Variants in CFAP70 observed in about 807,000 individuals in gnomAD.
The protein encoded by CFAP70 is cilia- and flagella-associated protein 70.
In CFAP70, 81 loss-of-function variants were observed where a neutral mutation model predicts 137.6. The ratio of observed to expected loss-of-function variants is 0.59; its 90% CI spans 0.49 to 0.71. The LOEUF is 0.71. Ranked by LOEUF, CFAP70 falls within the 30% of genes least tolerant of loss-of-function variation. The probability of loss-of-function intolerance (pLI) is 0.00; values close to 1 mark genes in which losing one functional copy is unlikely to be tolerated. For missense variants in CFAP70, 976 were observed against 1,226.7 expected, an observed-to-expected ratio of 0.80 and a Z score of 3.05; for synonymous variants, 382 against 423.6, an observed-to-expected ratio of 0.90 and a Z score of 1.20.
At chr10:73,261,671 G>T (rs1706240096) in intron 25 of CFAP70, among the ~76,000 whole-genome samples, 1 of 152,008 alleles carries the variant, frequency 6.6e-6, no homozygotes. Context: ...GATTTGGGTA[G>T]GGACACAGCC....
chr10:73,316,461 G>GAGATATATATATATATATAGATAT (rs56879049), intron 9 of CFAP70, among the ~76,000 whole-genome samples: 1 of 127,132 alleles, frequency 7.9e-6, no homozygotes, highest in African/African-American at 3.1e-5. Flanking sequence ...TTCCTTTGTT[G>GAGATATATATATATATATAGATAT]AGATATATAT....
At chr10:73,330,556 A>T (rs2051970335) in intron 8 of CFAP70, among the ~76,000 whole-genome samples, 1 of 152,044 alleles carries the variant, frequency 6.6e-6, no homozygotes, top group Non-Finnish European at 1.5e-5. Context: ...ATGGTTACCT[A>T]GTGATAGTAT....
intron 9 of CFAP70, among the ~76,000 whole-genome samples, chr10:73,316,489 T>TATAG (rs1554903341): frequency 1.2e-3 from 122 of 103,952 alleles, no homozygotes; most frequent in African/African-American, 4.0e-3. Context: ...TAGATATAGA[T>TATAG]ATATATATAT....
intron 8 of CFAP70, among the ~76,000 whole-genome samples, chr10:73,329,041 A>G (rs1388306456): frequency 2.6e-5 from 4 of 151,586 alleles, no homozygotes; most frequent in Non-Finnish European, 4.4e-5. Flanking sequence ...ACATGCACAC[A>G]TATGTTTATT....
At chr10:73,311,206 A>G (rs1041507778) in intron 11 of CFAP70, among the ~76,000 whole-genome samples, 1 of 152,128 alleles carries the variant, frequency 6.6e-6, no homozygotes, top group Admixed American at 6.5e-5. Context: ...TAATTTCTCT[A>G]TATACCATAC....
chr10:73,329,533 G>C (rs902479040), intron 8 of CFAP70, among the ~76,000 whole-genome samples: 5 of 152,076 alleles, frequency 3.3e-5, no homozygotes, highest in African/African-American at 9.6e-5. Context: ...CAAAAAAACA[G>C]TGTTAATAGT....
intron 3 of CFAP70, 88 bp from the exon 4 acceptor site, chr10:73,348,609 A>G (rs2053928153): frequency 2.3e-6 from 2 of 862,542 alleles, no homozygotes; most frequent in South Asian, 4.3e-5. Context: ...TGTCAAAGAT[A>G]TGTAAGTTAA....
At chr10:73,291,708 T>C in exon 18 of CFAP70, 4 of 1,614,154 alleles carry the variant, frequency 2.5e-6, no homozygotes, top group Non-Finnish European at 3.4e-6. Context: ...AATTTCTGCT[T>C]GCTCATAGTT....
At chr10:73,313,877 C>T (rs2132116769) in intron 9 of CFAP70, among the ~76,000 whole-genome samples, 1 of 152,128 alleles carries the variant, frequency 6.6e-6, no homozygotes, top group South Asian at 2.1e-4. Flanking sequence ...AATTAACAGG[C>T]TGAATTCACT....
chr10:73,336,733 A>G (rs12256665), intron 6 of CFAP70, among the ~76,000 whole-genome samples: 16,010 of 151,446 alleles, frequency 0.11, 1,231 homozygotes, highest in East Asian at 0.31. Context: ...CTACAGGCGC[A>G]CGCCACCACG....
At chr10:73,339,390 A>G (rs992811762) in intron 6 of CFAP70, among the ~76,000 whole-genome samples, 2 of 152,260 alleles carry the variant, frequency 1.3e-5, no homozygotes, top group Non-Finnish European at 2.9e-5. Flanking sequence ...AGAAGGAAAC[A>G]CAAGAAACTG....
chr10:73,271,539 G>A (rs536257548), intron 24 of CFAP70, among the ~76,000 whole-genome samples: 1 of 152,148 alleles, frequency 6.6e-6, no homozygotes, highest in South Asian at 2.1e-4. Flanking sequence ...GTCGAAAAAA[G>A]GTTACAAAGC....
chr10:73,255,080 T>C (rs189269150), intron 26 of CFAP70, among the ~76,000 whole-genome samples: 110 of 152,142 alleles, frequency 7.2e-4, no homozygotes, highest in African/African-American at 2.5e-3. Context: ...CTGGCCAACA[T>C]AGCAAAACCC....
chr10:73,283,124 G>A (rs2131830265), intron 19 of CFAP70, among the ~76,000 whole-genome samples: 1 of 152,162 alleles, frequency 6.6e-6, no homozygotes, highest in Middle Eastern at 3.4e-3. Context: ...TGAGCCAAGA[G>A]CCACCACACC....
intron 8 of CFAP70, among the ~76,000 whole-genome samples, chr10:73,325,009 A>T (rs1372018096): frequency 2.0e-5 from 3 of 152,228 alleles, no homozygotes; most frequent in Non-Finnish European, 4.4e-5. Context: ...CTCCTTGAGA[A>T]GAGCAGCTCC....
At chr10:73,268,050 G>T (rs2045933896) in intron 25 of CFAP70, among the ~76,000 whole-genome samples, 1 of 152,172 alleles carries the variant, frequency 6.6e-6, no homozygotes, top group Non-Finnish European at 1.5e-5. Flanking sequence ...TTACCTGACT[G>T]GGTCAGGTCC....
At chr10:73,357,530 A>T (rs147216659) in intron 1 of CFAP70, among the ~76,000 whole-genome samples, 34 of 152,330 alleles carry the variant, frequency 2.2e-4, no homozygotes, top group African/African-American at 7.5e-4. Flanking sequence ...AGACAAGCAG[A>T]TAAATACCTT....
intron 26 of CFAP70, among the ~76,000 whole-genome samples, chr10:73,255,793 C>T (rs1236038846): frequency 1.3e-5 from 2 of 152,112 alleles, no homozygotes; most frequent in Non-Finnish European, 2.9e-5. Context: ...GATCTACCCA[C>T]CTCAGCCTCC....
rs750971535 is a variant in CFAP70, at chr10:73,301,175, G to A, written c.1257-1510C>T. Among the ~76,000 whole-genome samples, 13 of 152,328 alleles carry A rather than the reference G, an allele frequency of 8.5e-5. 1 individual carries two copies. The highest frequency in any genetic ancestry group is 2.6e-4 in the Admixed American group (4 of 15,304). ...ACGTTTGAGTAAAGACCTGAGGGAA[G>A]TGAGGAAGCAACTGACATAGTTTGG... On this transcript the variant is annotated intron_variant, in intron 12 of 26. Transcript: ENST00000310715.
Sources: allele counts gnomAD v4.1 joint callset (sites outside exome capture counted in the v4.1 genomes callset), GRCh38; gene constraint gnomAD v4.1.1; transcripts MANE v1.5; gene names NCBI Gene and HGNC (gene_info 2026-07-23, HGNC 2026-07-21).